The following SUSD1 variants were observed in gnomAD, a reference collection of about 807,000 sequenced individuals.
SUSD1 encodes sushi domain containing 1.
SUSD1 carries 65 observed loss-of-function variants against 86.9 expected under a neutral mutation model. The ratio of observed to expected loss-of-function variants is 0.75; its 90% CI spans 0.61 to 0.92. The LOEUF (loss-of-function observed/expected upper bound fraction) is 0.92, where lower values mean the gene tolerates loss of function less well. Among genes scored for constraint, SUSD1 ranks in the 40% least tolerant of loss-of-function variants. The probability of loss-of-function intolerance (pLI) is 0.00; values close to 1 mark genes in which losing one functional copy is unlikely to be tolerated. For missense variants in SUSD1, 850 were observed against 929.7 expected (o/e 0.91, Z 1.11); for synonymous variants, 346 against 350.0 (o/e 0.99, Z 0.13).
chr9:112,162,681 G>T (rs912403131), intron 1 of SUSD1, among the ~76,000 whole-genome samples: 2 of 152,208 alleles, frequency 1.3e-5, no homozygotes, highest in African/African-American at 2.4e-5. Context: ...TGAGAGGAAT[G>T]TGGCTATGCA....
Position 112,098,670 on chromosome 9 carries a change from G to C in SUSD1, c.1282-8C>G. The C allele has an allele frequency of 6.2e-7, 1 of 1,613,772 alleles. No homozygotes were observed. Among genetic ancestry groups the C allele is most frequent in the Non-Finnish European group, 8.5e-7 (1 of 1,179,732 alleles). ...CTGACCCAGAACGGTAAACTGTCAT[G>C]AGATTAAAAGAAAGTGTTACATTAG... On this transcript the variant is annotated splice_polypyrimidine_tract_variant and splice_region_variant and intron_variant, in intron 9 of 16. Coordinates refer to ENST00000374270, the MANE Select transcript of SUSD1 (RefSeq NM_022486.5).
intron 15 of SUSD1, among the ~76,000 whole-genome samples, chr9:112,046,780 C>T (rs780232200): frequency 5.9e-5 from 9 of 152,172 alleles, no homozygotes; most frequent in Non-Finnish European, 7.4e-5. Flanking sequence ...AGGGTCTTCT[C>T]ACTTGAATTC....
chr9:112,174,802 G>A (rs868251900), intron 1 of SUSD1, among the ~76,000 whole-genome samples: 53 of 152,000 alleles, frequency 3.5e-4, no homozygotes, highest in Middle Eastern at 3.4e-3. Context: ...TTCCCCGGGC[G>A]CCGCCCTGCC....
At position 112,041,149 on chromosome 9, in the gene SUSD1, AC is replaced by A. The variant is rs1226133430; in HGVS notation, c.*342del. ...TTGCAGTCAATGTCTAGAGGAGCTGACCCTCAGGCATCACTCAGAGGAAGTC... is the reference window on the plus strand; with the variant it reads ...TTGCAGTCAATGTCTAGAGGAGCTGACCTCAGGCATCACTCAGAGGAAGTC... On this transcript the variant is annotated 3_prime_UTR_variant, in exon 17 of 17. Transcript: ENST00000374270. 2.5e-5 allele frequency: 12 copies of A among 471,410 alleles called. No individual in the cohort carries two copies. The highest frequency in any genetic ancestry group is 4.6e-5 in the Non-Finnish European group (12 of 262,850). The allele number at this position is 471,410 out of a possible 1,614,324, so 29.2% of individuals were successfully genotyped here.
chr9:112,113,534 C>A lies in SUSD1; in HGVS notation c.887-666G>T, dbSNP rs538808576. Reference sequence around the variant, plus strand: ...AGCAATGTGGGAAACCATATGAAGGCCTTGGTTCCCTGAGGTAACATAGTT... The same window carrying A: ...AGCAATGTGGGAAACCATATGAAGGACTTGGTTCCCTGAGGTAACATAGTT... On this transcript the variant is annotated intron_variant, in intron 6 of 16. Transcript: ENST00000374270. The surrounding 1 kb of genome is among the most constrained non-coding windows in gnomAD (Gnocchi z 4.1). Among the ~76,000 whole-genome samples, 40 of 152,334 alleles carry A rather than the reference C, an allele frequency of 2.6e-4. 2 individuals are homozygous for A. Among genetic ancestry groups the A allele is most frequent in the Middle Eastern group, 6.8e-3 (2 of 294 alleles).
chr9:112,157,467 G>A, intron 2 of SUSD1, 33 bp downstream of exon 2: 1 of 1,470,818 alleles, frequency 6.8e-7, no homozygotes, highest in Non-Finnish European at 9.5e-7. Context: ...TCTCGATTCA[G>A]CTTTTCAACT....
intron 2 of SUSD1, 85 bp downstream of exon 2, chr9:112,157,415 T>C: frequency 1.1e-6 from 1 of 883,480 alleles, no homozygotes; most frequent in South Asian, 1.6e-5. Context: ...AACAATGTTT[T>C]TCCCCAAGGA....
In SUSD1 at chr9:112,125,263, G is replaced by A. The variant is rs183012667; in HGVS notation, c.707-827C>T. On this transcript the variant is annotated intron_variant, in intron 5 of 16. Coordinates refer to ENST00000374270, the MANE Select transcript of SUSD1 (RefSeq NM_022486.5). ...AAGATGTATGGATGTCTCCATAATC[G>A]TTTAAATGTGACTGTAGAGCTTGAC... 3.1e-3 allele frequency among the ~76,000 whole-genome samples: 475 copies of A among 152,246 alleles called. 2 individuals are homozygous for A. Among genetic ancestry groups the A allele is most frequent in the Non-Finnish European group, 5.2e-3 (351 of 68,024 alleles).
At chr9:112,173,713 C>A (rs556986661) in intron 1 of SUSD1, 5 of 403,452 alleles carry the variant, frequency 1.2e-5, no homozygotes, top group East Asian at 1.3e-4. Context: ...AGAGCTGACA[C>A]CCTTTGGAAT....
intron 1 of SUSD1, among the ~76,000 whole-genome samples, chr9:112,165,923 AAAGAAAGAAAGAAAGAAAG>A (rs1356820929): frequency 8.1e-5 from 8 of 99,220 alleles, no homozygotes; most frequent in South Asian, 3.5e-4. Flanking sequence ...GGAAGAAAGA[AAAGAAAGAAAGAAAGAAAG>A]AAGAAAGAAA....
At chr9:112,163,926 G>C (rs534300661) in intron 1 of SUSD1, among the ~76,000 whole-genome samples, 2 of 151,040 alleles carry the variant, frequency 1.3e-5, no homozygotes, top group Non-Finnish European at 3.0e-5. Flanking sequence ...ACTTGAACCC[G>C]GAAGGCAGAG....
At chr9:112,109,429 A>G (rs1469277508) in intron 8 of SUSD1, among the ~76,000 whole-genome samples, 1 of 152,264 alleles carries the variant, frequency 6.6e-6, no homozygotes, top group Non-Finnish European at 1.5e-5. Context: ...AATAAACAGA[A>G]GACCTGAGTA....
chr9:112,174,850 T>C (rs895512706), intron 1 of SUSD1, among the ~76,000 whole-genome samples: 1 of 151,772 alleles, frequency 6.6e-6, no homozygotes, highest in East Asian at 2.0e-4. Context: ...CCCCGCCTCC[T>C]GGGCAGTGGA....
intron 8 of SUSD1, among the ~76,000 whole-genome samples, chr9:112,106,586 A>G (rs898922724): frequency 6.6e-6 from 1 of 151,946 alleles, no homozygotes; most frequent in South Asian, 2.1e-4. Flanking sequence ...CTATTAAAAC[A>G]TGTACCCAAG....
intron 12 of SUSD1, among the ~76,000 whole-genome samples, chr9:112,063,288 G>T (rs1375592216): frequency 6.6e-6 from 1 of 152,174 alleles, no homozygotes; most frequent in Non-Finnish European, 1.5e-5. Flanking sequence ...GTTGCTGGGG[G>T]TGGAGGGGGC....
chr9:112,058,185 G>C (rs1828536031), intron 14 of SUSD1, among the ~76,000 whole-genome samples: 1 of 136,602 alleles, frequency 7.3e-6, no homozygotes, highest in African/African-American at 3.5e-5. Flanking sequence ...TAAAGCTTAA[G>C]AGTAAAAACA....
intron 5 of SUSD1, among the ~76,000 whole-genome samples, chr9:112,139,716 GA>G (rs1374873307): frequency 6.8e-6 from 1 of 147,956 alleles, no homozygotes; most frequent in Non-Finnish European, 1.5e-5. Context: ...TTTAAAAGAA[GA>G]AAAAAAATAT....
chr9:112,149,651 T>C (rs1365983155), intron 2 of SUSD1, among the ~76,000 whole-genome samples: 12 of 152,184 alleles, frequency 7.9e-5, no homozygotes, highest in Admixed American at 5.9e-4. Context: ...TCCGTCTGAT[T>C]TGAAGATTGG....
intron 1 of SUSD1, among the ~76,000 whole-genome samples, chr9:112,170,886 T>C (rs1411222421): frequency 2.0e-5 from 3 of 152,010 alleles, no homozygotes; most frequent in Non-Finnish European, 2.9e-5. Flanking sequence ...ATTTTTTTTG[T>C]ATTTTTAGTA....
Sources: gnomAD v4.1 joint callset for allele counts (sites outside exome capture counted in the v4.1 genomes callset) on GRCh38, gnomAD v4.1.1 for gene constraint, Gnocchi (gnomAD v3.1) non-coding constraint, MANE v1.5 for transcripts, NCBI Gene and HGNC (gene_info 2026-07-23, HGNC 2026-07-21) for gene names.